Variants in MVB12B observed in about 807,000 individuals in gnomAD.
MVB12B encodes the protein ESCRT-I complex subunit MVB12B.
MVB12B carries 16 observed loss-of-function variants against 41.6 expected under a neutral mutation model. The ratio of observed to expected loss-of-function variants is 0.38; its 90% CI spans 0.26 to 0.58. The LOEUF (loss-of-function observed/expected upper bound fraction) is 0.58, where lower values mean the gene tolerates loss of function less well. Among genes scored for constraint, MVB12B ranks in the 20% least tolerant of loss-of-function variants. The pLI is 0.62. For synonymous variants in MVB12B, 133 were observed against 139.7 expected, an observed-to-expected ratio of 0.95 and a Z score of 0.34; for missense variants, 274 against 380.2, an observed-to-expected ratio of 0.72 and a Z score of 2.32.
intron 7 of MVB12B, among the ~76,000 whole-genome samples, chr9:126,462,872 A>G (rs370902904): frequency 1.8e-4 from 28 of 152,318 alleles, no homozygotes; most frequent in African/African-American, 6.3e-4. Flanking sequence ...CTCACAACCA[A>G]TATTTAGAGG....
Position 126,381,053 on chromosome 9 carries a change from C to G in MVB12B, c.205-11C>G. The G allele has an allele frequency of 6.2e-7, 1 of 1,611,668 alleles. No individual in the cohort carries two copies. Reference sequence around the variant, plus strand: ...TTACCTGCAATCCTTTTCTCTGTCTCTCCGGTGTAGGTTGCACAGACAGCA... The same window carrying G: ...TTACCTGCAATCCTTTTCTCTGTCTGTCCGGTGTAGGTTGCACAGACAGCA... On this transcript the variant is annotated splice_polypyrimidine_tract_variant and intron_variant, in intron 2 of 9. Coordinates refer to ENST00000361171, the MANE Select transcript of MVB12B (RefSeq NM_033446.3).
At chr9:126,405,452 C>T (rs1831392391) in intron 6 of MVB12B, among the ~76,000 whole-genome samples, 1 of 151,880 alleles carries the variant, frequency 6.6e-6, no homozygotes, top group East Asian at 1.9e-4. Flanking sequence ...GTGAACCAGA[C>T]CATTTAGAGA....
In MVB12B at chr9:126,473,481, T is replaced by C. The variant is rs1451771717; in HGVS notation, c.758-7888T>C. On this transcript the variant is annotated intron_variant, in intron 7 of 9. Coordinates refer to ENST00000361171, the MANE Select transcript of MVB12B (RefSeq NM_033446.3). The surrounding 1 kb of genome is among the most constrained non-coding windows in gnomAD (Gnocchi z 4.0). ...AATTGACTCATGGTTCTGCAGGCTG[T>C]ACAGGAAGCATGGCAGCATCTGCTT... Among the ~76,000 whole-genome samples the C allele has an allele frequency of 6.6e-6, 1 of 152,202 alleles. No individual in the cohort carries two copies. The highest frequency in any genetic ancestry group is 1.9e-4 in the East Asian group (1 of 5,200).
chr9:126,405,627 C>G (rs1462157133), intron 6 of MVB12B, among the ~76,000 whole-genome samples: 1 of 151,684 alleles, frequency 6.6e-6, no homozygotes, highest in Admixed American at 6.6e-5. Flanking sequence ...CCCCCTACCC[C>G]CCGCCCCAAC....
intron 6 of MVB12B, among the ~76,000 whole-genome samples, chr9:126,398,494 A>T (rs1831181393): frequency 6.6e-6 from 1 of 152,172 alleles, no homozygotes; most frequent in African/African-American, 2.4e-5. Context: ...ATTTCCCTCA[A>T]GTCTTTTTCT....
At chr9:126,351,952 G>A (rs1382951356) in intron 2 of MVB12B, among the ~76,000 whole-genome samples, 1 of 152,020 alleles carries the variant, frequency 6.6e-6, no homozygotes, top group Non-Finnish European at 1.5e-5. Context: ...ATATGATCAT[G>A]TGATTTTTTT....
At chr9:126,457,294 G>A (rs964758193) in intron 7 of MVB12B, among the ~76,000 whole-genome samples, 4 of 152,104 alleles carry the variant, frequency 2.6e-5, no homozygotes, top group East Asian at 1.9e-4. Context: ...ATAAAGAGAC[G>A]AAGTGTCACT....
intron 2 of MVB12B, 60 bp from the exon 3 acceptor site, chr9:126,381,004 G>T: frequency 1.5e-6 from 2 of 1,365,132 alleles, no homozygotes. Context: ...AGTGGCCCAC[G>T]CGCACCTTCA....
At chr9:126,488,344 C>CAAAA in intron 9 of MVB12B, among the ~76,000 whole-genome samples, 1 of 132,286 alleles carries the variant, frequency 7.6e-6, no homozygotes, top group African/African-American at 2.8e-5. Flanking sequence ...ACCATTAAAC[C>CAAAA]AAAAAAAAAA....
At chr9:126,425,689 C>T (rs776997937) in intron 7 of MVB12B, among the ~76,000 whole-genome samples, 13 of 152,312 alleles carry the variant, frequency 8.5e-5, no homozygotes, top group Non-Finnish European at 1.3e-4. Context: ...TCTGTAATTC[C>T]AGCACCATCC....
intron 6 of MVB12B, among the ~76,000 whole-genome samples, chr9:126,403,950 C>CTTTTTTTTTTTTTTTTTTTTTTTT (rs36030597): frequency 9.5e-6 from 1 of 104,732 alleles, no homozygotes. Flanking sequence ...TCCTTTAAAT[C>CTTTTTTTTTTTTTTTTTTTTTTTT]TTTTTTTTTT....
intron 7 of MVB12B, among the ~76,000 whole-genome samples, chr9:126,427,461 T>C (rs1230344076): frequency 6.6e-6 from 1 of 152,116 alleles, no homozygotes; most frequent in Non-Finnish European, 1.5e-5. Flanking sequence ...GCGGCTTTTC[T>C]AACCTAGGAG....
chr9:126,458,704 T>C (rs1833034135), intron 7 of MVB12B, among the ~76,000 whole-genome samples: 1 of 152,188 alleles, frequency 6.6e-6, no homozygotes, highest in Non-Finnish European at 1.5e-5. Flanking sequence ...TTGAAATGTG[T>C]CCTTCTTATA....
intron 2 of MVB12B, among the ~76,000 whole-genome samples, chr9:126,374,181 C>T (rs779015622): frequency 4.6e-5 from 7 of 152,242 alleles, no homozygotes; most frequent in Non-Finnish European, 1.0e-4. Flanking sequence ...CAATAACGCT[C>T]ATCCCATCTT....
At chr9:126,390,985 CAG>C (rs1165108692) in intron 4 of MVB12B, among the ~76,000 whole-genome samples, 2 of 150,582 alleles carry the variant, frequency 1.3e-5, no homozygotes, top group Admixed American at 1.3e-4. Flanking sequence ...GAAGGAATGA[CAG>C]AGTTCAAAAA....
intron 2 of MVB12B, among the ~76,000 whole-genome samples, chr9:126,371,468 C>T (rs1196113548): frequency 6.6e-6 from 1 of 152,244 alleles, no homozygotes; most frequent in Non-Finnish European, 1.5e-5. Flanking sequence ...CTCCTAATCC[C>T]TTCACCTCTA....
At chr9:126,380,177 G>A (rs568324328) in intron 2 of MVB12B, among the ~76,000 whole-genome samples, 85 of 152,296 alleles carry the variant, frequency 5.6e-4, no homozygotes, top group African/African-American at 1.9e-3. Flanking sequence ...TCAGAAAACA[G>A]ACCAAGCCCT....
At chr9:126,383,782 G>A (rs1376634181) in intron 3 of MVB12B, among the ~76,000 whole-genome samples, 1 of 151,900 alleles carries the variant, frequency 6.6e-6, no homozygotes, top group Non-Finnish European at 1.5e-5. Context: ...GTGTGAGGAG[G>A]GACCACAGTT....
chr9:126,494,338 G>GCCA, intron 9 of MVB12B, among the ~76,000 whole-genome samples: 1 of 152,266 alleles, frequency 6.6e-6, no homozygotes, highest in East Asian at 1.9e-4. Flanking sequence ...TGTCCTGGCA[G>GCCA]CCACCACCAC....
Sources: allele counts gnomAD v4.1 joint callset (sites outside exome capture counted in the v4.1 genomes callset), GRCh38; gene constraint gnomAD v4.1.1; non-coding constraint Gnocchi (gnomAD v3.1); transcripts MANE v1.5; gene names NCBI Gene and HGNC (gene_info 2026-07-23, HGNC 2026-07-21).